Variants in AGBL1 observed in about 807,000 individuals in gnomAD.
The protein encoded by AGBL1 is cytosolic carboxypeptidase 4.
A neutral mutation model predicts 118.9 loss-of-function variants in AGBL1; 130 were observed. The ratio of observed to expected loss-of-function variants is 1.09; its 90% CI spans 0.95 to 1.26. The LOEUF is 1.26. Ranked by LOEUF, AGBL1 falls within the 50% of genes most tolerant of loss-of-function variation. The probability of loss-of-function intolerance (pLI) is 0.00; values close to 1 mark genes in which losing one functional copy is unlikely to be tolerated. For missense variants in AGBL1, 1,584 were observed against 1,298.1 expected (o/e 1.22, Z -3.38); for synonymous variants, 555 against 478.9 (o/e 1.16, Z -2.08).
intron 21 of AGBL1, among the ~76,000 whole-genome samples, chr15:86,654,289 T>C (rs953115289): frequency 1.8e-4 from 27 of 152,106 alleles, no homozygotes; most frequent in African/African-American, 6.0e-4. Context: ...AGTAGGAGTG[T>C]TTTTTCAGAT....
intron 3 of AGBL1, among the ~76,000 whole-genome samples, chr15:86,153,067 T>C (rs2077136956): frequency 6.6e-6 from 1 of 152,120 alleles, no homozygotes; most frequent in Admixed American, 6.5e-5. Context: ...TTGGTGGGAG[T>C]GTAAATTAGT....
chr15:86,264,760 T>A lies in AGBL1; in HGVS notation c.1589T>A (p.Met530Lys), dbSNP rs776289444. The A allele has an allele frequency of 1.1e-4, 170 of 1,613,938 alleles. No individual in the cohort carries two copies. Among genetic ancestry groups the A allele is most frequent in the Non-Finnish European group, 1.4e-4 (166 of 1,179,918 alleles). Residue 530 changes from methionine (M) to lysine (K), a missense_variant, in exon 11 of 23, where the codon ATG becomes AAG. Met to Lys is a moderately conservative substitution (Grantham distance 95). Coordinates refer to ENST00000614907, the MANE Select transcript of AGBL1 (RefSeq NM_001386094.1). Reference protein sequence around the residue: ...RTSSVVDFKMMAFPDVWGHCP... With the variant: ...RTSSVVDFKMKAFPDVWGHCP... ...AGCTCTGTGGTGGACTTCAAGATGA[T>A]GGCATTTCCTGATGTCTGGGGACAC... is the stretch of plus-strand genomic sequence containing the variant.
At chr15:86,961,268 A>G (rs2080990037) in intron 23 of AGBL1, among the ~76,000 whole-genome samples, 1 of 152,074 alleles carries the variant, frequency 6.6e-6, no homozygotes, top group African/African-American at 2.4e-5. Context: ...TCATTGCTGC[A>G]ACCTCTGTTA....
rs552212123 is a variant in AGBL1, at chr15:86,571,057, T to C, written c.2994+16520T>C. On this transcript the variant is annotated intron_variant, in intron 21 of 22. Transcript: ENST00000614907. The stretch of plus-strand genomic sequence containing the variant: ...TCCAGGTGCTGGCATGGACACGGGC[T>C]CTTGGCCGAGCTGTGGCTGGACCGG... Among the ~76,000 whole-genome samples, 64 of 152,238 alleles carry C rather than the reference T, an allele frequency of 4.2e-4. 1 individual carries two copies. The highest frequency in any genetic ancestry group is 1.5e-3 in the African/African-American group (63 of 41,550).
intron 18 of AGBL1, among the ~76,000 whole-genome samples, chr15:86,456,948 T>C (rs976230017): frequency 2.0e-5 from 3 of 152,204 alleles, no homozygotes; most frequent in Non-Finnish European, 2.9e-5. Context: ...GACAGATACA[T>C]TTATTAAGTA....
intron 18 of AGBL1, among the ~76,000 whole-genome samples, chr15:86,454,736 G>A (rs970566391): frequency 6.6e-6 from 1 of 152,038 alleles, no homozygotes; most frequent in Non-Finnish European, 1.5e-5. Flanking sequence ...CAGGGTTGGG[G>A]CTATTGACTG....
intron 22 of AGBL1, among the ~76,000 whole-genome samples, chr15:86,780,392 A>G (rs376624310): frequency 6.6e-6 from 1 of 152,082 alleles, no homozygotes; most frequent in African/African-American, 2.4e-5. Context: ...AGCTCTCAAT[A>G]TCTTATTGGG....
At chr15:86,604,506 T>C (rs191159608) in intron 21 of AGBL1, among the ~76,000 whole-genome samples, 93 of 152,336 alleles carry the variant, frequency 6.1e-4, no homozygotes, top group African/African-American at 2.1e-3. Context: ...ACTCCTCAGT[T>C]AACTCTCAAT....
In AGBL1 at chr15:86,267,039, G is replaced by C. The variant is rs371640406; in HGVS notation, c.1801G>C (p.Glu601Gln). 1.3e-6 allele frequency: 2 copies of C among 1,570,084 alleles called. No individual in the cohort carries two copies. The highest frequency in any genetic ancestry group is 1.7e-6 in the Non-Finnish European group (2 of 1,156,290). The change falls in exon 13 of 23, where the codon GAG (glutamate) becomes CAG (glutamine). Residue 601 changes from glutamate to glutamine, a missense_variant. Transcript: ENST00000614907. The part of the protein sequence containing the change: ...SNCLRFFSKF[E>Q]SGNLRKAIQV... ...TTGTTTACGGTTCTTCTCCAAATTT[G>C]AGTCAGGAAATCTTCGCAAAGCCAT... is the stretch of plus-strand genomic sequence containing the variant.
chr15:86,869,717 C>T (rs769339707), intron 22 of AGBL1, among the ~76,000 whole-genome samples: 7 of 152,160 alleles, frequency 4.6e-5, no homozygotes, highest in Non-Finnish European at 8.8e-5. Context: ...ACCATCCCTA[C>T]TACCCCAACT....
Position 86,444,104 on chromosome 15 carries a change from T to C in AGBL1, c.2555+46558T>C, listed in dbSNP as rs541965495. On this transcript the variant is annotated intron_variant, in intron 18 of 22. Transcript: ENST00000614907. The stretch of plus-strand genomic sequence containing the variant: ...CCAGCATTCCCCTTTCTCCACAACC[T>C]TGCCAGCACTTGATATCTTTTGTCT... Among the ~76,000 whole-genome samples, 231 of 152,300 alleles carry C rather than the reference T, an allele frequency of 1.5e-3. 1 individual carries two copies. The highest frequency in any genetic ancestry group is 5.4e-3 in the African/African-American group (225 of 41,588).
At chr15:86,824,579 A>C (rs932014452) in intron 22 of AGBL1, among the ~76,000 whole-genome samples, 1 of 151,964 alleles carries the variant, frequency 6.6e-6, no homozygotes, top group Non-Finnish European at 1.5e-5. Context: ...TCATGAACAC[A>C]GCTTATTCTA....
intron 18 of AGBL1, among the ~76,000 whole-genome samples, chr15:86,506,545 C>T (rs1302937255): frequency 2.6e-5 from 4 of 152,078 alleles, no homozygotes; most frequent in Non-Finnish European, 5.9e-5. Flanking sequence ...CAACACTCAT[C>T]CAATAGCTTT....
intron 17 of AGBL1, among the ~76,000 whole-genome samples, chr15:86,340,316 T>G (rs2080442944): frequency 6.6e-6 from 1 of 150,822 alleles, no homozygotes; most frequent in Admixed American, 6.6e-5. Flanking sequence ...TTCATGTCTA[T>G]TCAGAAGCTC....
rs1211191157 is a variant in AGBL1, at chr15:86,349,259, G to A, written c.2375-48107G>A. The stretch of plus-strand genomic sequence containing the variant: ...TTGTTTTAAGCCACTTGATTCATGT[G>A]GAAACAAATACCTAGGAAATTAATA... On this transcript the variant is annotated intron_variant, in intron 17 of 22. Transcript: ENST00000614907. Among the ~76,000 whole-genome samples the A allele has an allele frequency of 2.0e-5, 3 of 152,080 alleles. 1 individual carries two copies. The highest frequency in any genetic ancestry group is 1.9e-4 in the East Asian group (1 of 5,186).
chr15:86,714,365 G>A (rs1397646961), intron 22 of AGBL1, among the ~76,000 whole-genome samples: 1 of 152,148 alleles, frequency 6.6e-6, no homozygotes, highest in East Asian at 1.9e-4. Context: ...AGGATGGGAA[G>A]CACAGCAAAG....
At chr15:86,495,399 T>TA (rs144325939) in intron 18 of AGBL1, among the ~76,000 whole-genome samples, 4,718 of 147,066 alleles carry the variant, frequency 0.032, 128 homozygotes, top group East Asian at 0.089. Flanking sequence ...ATCTTTTTTT[T>TA]AAAAAAAAAA....
At chr15:86,539,164 A>G (rs1463720798) in intron 19 of AGBL1, among the ~76,000 whole-genome samples, 3 of 152,228 alleles carry the variant, frequency 2.0e-5, no homozygotes, top group African/African-American at 7.2e-5. Flanking sequence ...TCAAAACTAA[A>G]CACTCCAGCT....
At chr15:86,338,552 C>T (rs377764688) in intron 17 of AGBL1, among the ~76,000 whole-genome samples, 1 of 152,106 alleles carries the variant, frequency 6.6e-6, no homozygotes, top group South Asian at 2.1e-4. Flanking sequence ...GAATCCTTTG[C>T]TCTGATCCAG....
Sources: gnomAD v4.1 joint callset for allele counts (sites outside exome capture counted in the v4.1 genomes callset) on GRCh38, gnomAD v4.1.1 for gene constraint, MANE v1.5 for transcripts, NCBI Gene and HGNC (gene_info 2026-07-23, HGNC 2026-07-21) for gene names.